Variants in CTTNBP2NL observed in about 807,000 individuals in gnomAD.
The protein encoded by CTTNBP2NL is CTTNBP2 N-terminal like.
A neutral mutation model predicts 32.5 loss-of-function variants in CTTNBP2NL; 16 were observed. The ratio of observed to expected loss-of-function variants is 0.49; its 90% confidence interval spans 0.33 to 0.75. CTTNBP2NL has a LOEUF of 0.75. Among genes scored for constraint, CTTNBP2NL ranks in the 30% least tolerant of loss-of-function variants. The pLI, the probability that CTTNBP2NL is intolerant of heterozygous loss-of-function variation, is 0.02. For missense variants in CTTNBP2NL, 645 were observed against 756.0 expected (o/e 0.85, Z 1.72); for synonymous variants, 298 against 289.4 (o/e 1.03, Z -0.30).
At position 112,457,609 on chromosome 1, in the gene CTTNBP2NL, T is replaced by G; in HGVS notation, c.*197T>G. On this transcript the variant is annotated 3_prime_UTR_variant, in exon 6 of 6. Coordinates refer to ENST00000271277, the MANE Select transcript of CTTNBP2NL (RefSeq NM_018704.3). The stretch of plus-strand genomic sequence containing the variant: ...TGGATTTTTATGGCTCACATCTTTT[T>G]ACTGAAGCCAGAAAGGCACCTCAAA... 1 of 533,508 alleles carries G rather than the reference T, an allele frequency of 1.9e-6. No individual in the cohort carries two copies. Among genetic ancestry groups the G allele is most frequent in the East Asian group, 3.1e-5 (1 of 31,882 alleles). 33.0% of individuals were successfully genotyped at this position (533,508 alleles called of 1,614,324 possible).
upstream of CTTNBP2NL, among the ~76,000 whole-genome samples, chr1:112,394,090 C>T (rs1331152316): frequency 6.6e-6 from 1 of 151,892 alleles, no homozygotes; most frequent in Admixed American, 6.6e-5. Context: ...CCTATAATCC[C>T]AGCTACTCGG....
At chr1:112,443,984 A>T (rs1169541732) in intron 3 of CTTNBP2NL, among the ~76,000 whole-genome samples, 1 of 152,232 alleles carries the variant, frequency 6.6e-6, no homozygotes, top group Non-Finnish European at 1.5e-5. Flanking sequence ...TTTTGGTAGC[A>T]TTAACCAAAT....
At chr1:112,402,875 C>A (rs1211875135) in intron 1 of CTTNBP2NL, among the ~76,000 whole-genome samples, 3 of 152,176 alleles carry the variant, frequency 2.0e-5, no homozygotes, top group African/African-American at 7.2e-5. Context: ...TTAACACGTT[C>A]CTCTTGGGGG....
chr1:112,408,844 G>A (rs751781446), intron 1 of CTTNBP2NL, among the ~76,000 whole-genome samples: 16 of 151,798 alleles, frequency 1.1e-4, no homozygotes, highest in Admixed American at 5.3e-4. Flanking sequence ...GAGTATTTAC[G>A]GGCCGGGCAT....
chr1:112,393,450 T>C (rs1648231576), upstream of CTTNBP2NL, among the ~76,000 whole-genome samples: 1 of 152,230 alleles, frequency 6.6e-6, no homozygotes, highest in South Asian at 2.1e-4. Context: ...ACTGTCCAGT[T>C]GATAAAATGA....
At chr1:112,395,765 T>C (rs1648299761), upstream of CTTNBP2NL, among the ~76,000 whole-genome samples, 1 of 152,080 alleles carries the variant, frequency 6.6e-6, no homozygotes, top group African/African-American at 2.4e-5. Context: ...AGCCAGGTTT[T>C]TCAACAACGA....
At chr1:112,420,345 C>T (rs1435685705) in intron 3 of CTTNBP2NL, among the ~76,000 whole-genome samples, 1 of 151,576 alleles carries the variant, frequency 6.6e-6, no homozygotes, top group Admixed American at 6.6e-5. Context: ...GGGGTTTTAC[C>T]GTATTGGCCA....
chr1:112,457,507 A>G lies in CTTNBP2NL; in HGVS notation c.*95A>G. 1.8e-6 allele frequency: 2 copies of G among 1,095,392 alleles called. No individual in the cohort carries two copies. The highest frequency in any genetic ancestry group is 1.3e-6 in the Non-Finnish European group (1 of 754,006). 67.9% of individuals were successfully genotyped at this position (1,095,392 alleles called of 1,614,324 possible). On this transcript the variant is annotated 3_prime_UTR_variant, in exon 6 of 6. Coordinates refer to ENST00000271277, the MANE Select transcript of CTTNBP2NL (RefSeq NM_018704.3). Reference sequence around the variant, plus strand: ...GTCAGATTATGTTATTTATTTTGATAGTAGCTGAAACCATCTGTATAATAC... The same window carrying G: ...GTCAGATTATGTTATTTATTTTGATGGTAGCTGAAACCATCTGTATAATAC...
intron 4 of CTTNBP2NL, among the ~76,000 whole-genome samples, chr1:112,449,580 C>T (rs1282605826): frequency 6.6e-6 from 1 of 151,888 alleles, no homozygotes; most frequent in Non-Finnish European, 1.5e-5. Flanking sequence ...AAAGAATTTA[C>T]CTGAGGATAA....
rs1650404530 is a variant in CTTNBP2NL at position 112,457,378 on chromosome 1, A to T, written c.1886A>T (p.Lys629Met). 1.9e-6 allele frequency: 3 copies of T among 1,613,368 alleles called. No homozygotes were observed. The highest frequency in any genetic ancestry group is 2.2e-5 in the East Asian group (1 of 44,890). Reference sequence around the variant, plus strand: ...TCCAATACTGTTGTAGCAAATGGTAAGGATGTTGAGTTACTTTTGCCTACC... The same window carrying T: ...TCCAATACTGTTGTAGCAAATGGTATGGATGTTGAGTTACTTTTGCCTACC... ...CSSNTVVANG[K>M]DVELLLPTSS Residue 629 changes from lysine to methionine, a missense_variant, in exon 6 of 6, where the codon AAG (lysine) becomes ATG (methionine). Coordinates refer to ENST00000271277, the MANE Select transcript of CTTNBP2NL (RefSeq NM_018704.3).
chr1:112,449,088 T>G lies in CTTNBP2NL; in HGVS notation c.246T>G (p.Ile82Met). The part of the protein sequence containing the change: ...KQPVCTNPLS[I>M]LKVVMKQCKN... ...CAGTCTGCACAAATCCACTCTCTAT[T>G]CTTAAGGTTGTGATGAAGCAGTGCA... Residue 82 changes from isoleucine (I) to methionine (M), a missense_variant, in exon 4 of 6, where the codon ATT (isoleucine) becomes ATG (methionine). By Grantham distance (10) the Ile-to-Met change is conservative (BLOSUM62 1). Transcript: ENST00000271277. 1 of 1,613,866 alleles carries G rather than the reference T, an allele frequency of 6.2e-7. No homozygotes were observed. Among genetic ancestry groups the G allele is most frequent in the East Asian group, 2.2e-5 (1 of 44,856 alleles).
At chr1:112,437,859 T>C (rs1284073172) in intron 3 of CTTNBP2NL, among the ~76,000 whole-genome samples, 1 of 152,164 alleles carries the variant, frequency 6.6e-6, no homozygotes, top group Non-Finnish European at 1.5e-5. Flanking sequence ...ATTAGACGTT[T>C]GTCAGATGCA....
chr1:112,450,637 G>T (rs1650189342), intron 4 of CTTNBP2NL, among the ~76,000 whole-genome samples: 1 of 152,152 alleles, frequency 6.6e-6, no homozygotes, highest in Non-Finnish European at 1.5e-5. Flanking sequence ...GTGTACTAGG[G>T]ACAGTTTGTG....
At chr1:112,393,892 C>T (rs998882221), upstream of CTTNBP2NL, among the ~76,000 whole-genome samples, 2 of 152,020 alleles carry the variant, frequency 1.3e-5, no homozygotes, top group Non-Finnish European at 2.9e-5. Flanking sequence ...GGGTTAACAG[C>T]TACAAAGGGA....
Position 112,456,151 on chromosome 1 carries a change from A to C in CTTNBP2NL, c.659A>C (p.Glu220Ala). 1 of 1,614,152 alleles carries C rather than the reference A, an allele frequency of 6.2e-7. No individual in the cohort carries two copies. Among genetic ancestry groups the C allele is most frequent in the Non-Finnish European group, 8.5e-7 (1 of 1,180,022 alleles). The stretch of plus-strand genomic sequence containing the variant: ...AGCCGGGTGAGTAAACTGGAAGAAG[A>C]GTTGGCAGCTGAGAGAAAGAGAGGC... ...EKSRVSKLEE[E>A]LAAERKRGLQ... Residue 220 changes from glutamate to alanine, a missense_variant, in exon 6 of 6, where the codon GAG (glutamate) becomes GCG (alanine). Physicochemically the swap from Glu to Ala is moderately radical, Grantham distance 107. Transcript: ENST00000271277.
Position 112,458,392 on chromosome 1 carries a change from T to C in CTTNBP2NL, c.*980T>C, listed in dbSNP as rs1477567398. On this transcript the variant is annotated 3_prime_UTR_variant, in exon 6 of 6. Transcript: ENST00000271277. ...TTCTCCAAGCTGCCAGAACCTGGTA[T>C]CTGTATCTGTAAAACCAAATTAACT... The C allele has an allele frequency of 6.5e-6, 1 of 152,680 alleles. No homozygotes were observed. Among genetic ancestry groups the C allele is most frequent in the Non-Finnish European group, 1.5e-5 (1 of 68,044 alleles). The allele number at this position is 152,680 out of a possible 1,614,324, so 9.5% of individuals were successfully genotyped here. A position where few individuals can be genotyped will look rare whatever the true frequency, so the allele number is the denominator to read the frequency against.
intron 1 of CTTNBP2NL, among the ~76,000 whole-genome samples, chr1:112,399,856 A>C (rs1570710821): frequency 1.3e-5 from 2 of 151,944 alleles, no homozygotes; most frequent in South Asian, 4.2e-4. Context: ...ATCACCTGAG[A>C]TCAGGAGTTT....
intron 1 of CTTNBP2NL, among the ~76,000 whole-genome samples, chr1:112,409,764 G>C (rs1648797564): frequency 6.6e-6 from 1 of 152,174 alleles, no homozygotes; most frequent in African/African-American, 2.4e-5. Context: ...CAGAAACTGG[G>C]ACTTCTTCAA....
At chr1:112,416,734 G>GC (rs924956497) in intron 3 of CTTNBP2NL, among the ~76,000 whole-genome samples, 8 of 152,016 alleles carry the variant, frequency 5.3e-5, no homozygotes, top group Admixed American at 1.3e-4. Flanking sequence ...CTGGTGATCC[G>GC]CCCCCGCTTA....
Sources: gnomAD v4.1 joint callset for allele counts (sites outside exome capture counted in the v4.1 genomes callset) on GRCh38, gnomAD v4.1.1 for gene constraint, MANE v1.5 for transcripts, NCBI Gene and HGNC (gene_info 2026-07-23, HGNC 2026-07-21) for gene names.